The following GABBR2 variants were observed in gnomAD, a reference collection of about 807,000 sequenced individuals.
GABBR2 encodes the protein G-protein coupled receptor 51.
A neutral mutation model predicts 105.6 loss-of-function variants in GABBR2; 23 were observed. That is an observed-to-expected ratio of 0.22 (90% CI 0.16 to 0.31). The LOEUF is 0.31. Ranked by LOEUF, GABBR2 falls within the 10% of genes least tolerant of loss-of-function variation. The probability of loss-of-function intolerance (pLI) is 1.00; values close to 1 mark genes in which losing one functional copy is unlikely to be tolerated. For missense variants in GABBR2, 734 were observed against 1,245.5 expected, an observed-to-expected ratio of 0.59 and a Z score of 6.18; for synonymous variants, 478 against 499.7, an observed-to-expected ratio of 0.96 and a Z score of 0.58.
chr9:98,572,722 G>C (rs1455341484), intron 2 of GABBR2, among the ~76,000 whole-genome samples: 1 of 152,166 alleles, frequency 6.6e-6, no homozygotes, highest in Admixed American at 6.5e-5. Flanking sequence ...CCCAGATCAA[G>C]ATCCTGATCT....
chr9:98,634,371 T>C (rs371511309), intron 1 of GABBR2, among the ~76,000 whole-genome samples: 40 of 152,222 alleles, frequency 2.6e-4, no homozygotes, highest in African/African-American at 8.2e-4. Flanking sequence ...CATTTGGAAA[T>C]AGGGTCTTTG....
At chr9:98,567,190 A>G (rs7858797) in intron 2 of GABBR2, among the ~76,000 whole-genome samples, 75 of 152,366 alleles carry the variant, frequency 4.9e-4, no homozygotes, top group African/African-American at 1.7e-3. Context: ...AAAGACGCAT[A>G]AACAATGAGG....
chr9:98,296,507 G>GC (rs1300140488), intron 17 of GABBR2, among the ~76,000 whole-genome samples: 2 of 152,228 alleles, frequency 1.3e-5, no homozygotes, highest in Non-Finnish European at 2.9e-5. Context: ...CAGCATTTGA[G>GC]AATGCCTCTC....
intron 3 of GABBR2, among the ~76,000 whole-genome samples, chr9:98,519,371 G>A (rs558992474): frequency 6.6e-6 from 1 of 152,382 alleles, no homozygotes; most frequent in Admixed American, 6.5e-5. Flanking sequence ...AGAAGAGCAA[G>A]GGTTCTTAGG....
chr9:98,395,604 G>A (rs1329089616), intron 8 of GABBR2, among the ~76,000 whole-genome samples: 1 of 152,144 alleles, frequency 6.6e-6, no homozygotes, highest in African/African-American at 2.4e-5. Context: ...GGAGCAGGGT[G>A]TTGGGAGGGA....
chr9:98,336,439 C>A (rs935450810), intron 13 of GABBR2, among the ~76,000 whole-genome samples: 1 of 152,252 alleles, frequency 6.6e-6, no homozygotes, highest in African/African-American at 2.4e-5. Flanking sequence ...GGCGCAGTGG[C>A]TCATGCCTAT....
chr9:98,598,908 CTCTG>C (rs72224300), intron 1 of GABBR2, among the ~76,000 whole-genome samples: 41,047 of 151,926 alleles, frequency 0.27, 6,044 homozygotes, highest in Non-Finnish European at 0.34. Flanking sequence ...ATGGTTTTCA[CTCTG>C]TCTTTTATTA....
intron 1 of GABBR2, among the ~76,000 whole-genome samples, chr9:98,583,003 C>T (rs1424423581): frequency 1.3e-5 from 2 of 152,106 alleles, no homozygotes; most frequent in Admixed American, 1.3e-4. Context: ...AGTCTAGAGA[C>T]TCAACCGAAG....
chr9:98,694,589 G>A (rs1045091405), intron 1 of GABBR2, among the ~76,000 whole-genome samples: 1 of 152,162 alleles, frequency 6.6e-6, no homozygotes, highest in African/African-American at 2.4e-5. Flanking sequence ...ACATCGCTAT[G>A]TCTTCTATAA....
chr9:98,575,265 G>A (rs557705878), intron 2 of GABBR2, among the ~76,000 whole-genome samples: 1 of 152,314 alleles, frequency 6.6e-6, no homozygotes, highest in East Asian at 1.9e-4. Context: ...CAGCATTTAA[G>A]CTGGGTCTTA....
chr9:98,329,465 A>G (rs1004764658), intron 13 of GABBR2, among the ~76,000 whole-genome samples: 2 of 152,140 alleles, frequency 1.3e-5, no homozygotes, highest in African/African-American at 4.8e-5. Context: ...GCTGCCTTCA[A>G]GCTCTATTCC....
chr9:98,638,527 T>C (rs1319911020), intron 1 of GABBR2, among the ~76,000 whole-genome samples: 1 of 152,200 alleles, frequency 6.6e-6, no homozygotes, highest in Non-Finnish European at 1.5e-5. Flanking sequence ...TATTAAAAGT[T>C]GAAAGAGCCA....
chr9:98,684,250 T>A (rs1213605983), intron 1 of GABBR2, among the ~76,000 whole-genome samples: 2 of 149,596 alleles, frequency 1.3e-5, no homozygotes, highest in Non-Finnish European at 3.0e-5. Context: ...GAAGTCTATT[T>A]TTTTTAAGTC....
intron 12 of GABBR2, among the ~76,000 whole-genome samples, chr9:98,367,771 G>A (rs1831708143): frequency 6.6e-6 from 1 of 152,126 alleles, no homozygotes; most frequent in African/African-American, 2.4e-5. Flanking sequence ...AGGAGGGTAA[G>A]GTAGAGAAGA....
At chr9:98,416,098 G>A (rs1179822015) in intron 7 of GABBR2, among the ~76,000 whole-genome samples, 4 of 152,186 alleles carry the variant, frequency 2.6e-5, no homozygotes, top group Non-Finnish European at 4.4e-5. Flanking sequence ...TTTCCGTGGT[G>A]TAAATACACC....
At chr9:98,685,787 A>G (rs1317863574) in intron 1 of GABBR2, among the ~76,000 whole-genome samples, 6 of 152,244 alleles carry the variant, frequency 3.9e-5, no homozygotes, top group African/African-American at 1.4e-4. Context: ...CAAAGTCCCA[A>G]TCTCAAGAGA....
chr9:98,528,343 A>C (rs1828000616), intron 3 of GABBR2, among the ~76,000 whole-genome samples: 1 of 152,188 alleles, frequency 6.6e-6, no homozygotes, highest in African/African-American at 2.4e-5. Context: ...AATTCCAGAT[A>C]AAGTGAAGAA....
intron 1 of GABBR2, among the ~76,000 whole-genome samples, chr9:98,612,167 G>T (rs2131814534): frequency 6.6e-6 from 1 of 152,330 alleles, no homozygotes; most frequent in East Asian, 1.9e-4. Flanking sequence ...GCCCCCTCAG[G>T]CCCAGCATGG....
intron 13 of GABBR2, among the ~76,000 whole-genome samples, chr9:98,335,352 T>A (rs1831094837): frequency 6.6e-6 from 1 of 152,186 alleles, no homozygotes; most frequent in Non-Finnish European, 1.5e-5. Context: ...TTTTCTGGAT[T>A]CAGCCTTTTC....
Sources: allele counts gnomAD v4.1 joint callset (sites outside exome capture counted in the v4.1 genomes callset), GRCh38; gene constraint gnomAD v4.1.1; transcripts MANE v1.5; gene names NCBI Gene and HGNC (gene_info 2026-07-23, HGNC 2026-07-21).